Variants in MPDZ observed in about 807,000 individuals in gnomAD.
MPDZ encodes the protein multiple PDZ domain crumbs cell polarity complex component, also known as multiple PDZ domain protein.
Under a neutral mutation model 239.1 loss-of-function variants are expected in MPDZ, and 234 were observed. The observed-to-expected ratio is 0.98, with a 90% confidence interval of 0.88 to 1.09. The LOEUF (loss-of-function observed/expected upper bound fraction) is 1.09, where lower values mean the gene tolerates loss of function less well. MPDZ is among the 50% of genes least tolerant of loss of function. MPDZ has a pLI of 0.00. For synonymous variants in MPDZ, 1,048 were observed against 881.3 expected, an observed-to-expected ratio of 1.19 and a Z score of -3.35; for missense variants, 3,175 against 2,510.0, an observed-to-expected ratio of 1.26 and a Z score of -5.66.
At chr9:13,119,778 AGCAACACTGGG>A in intron 38 of MPDZ, 129 bp from the exon 39 acceptor site, 2 of 961,986 alleles carry the variant, frequency 2.1e-6, no homozygotes, top group Non-Finnish European at 3.2e-6. Context: ...TGTTATTTGG[AGCAACACTGGG>A]GCAACATTAG....
At chr9:13,239,186 G>A (rs1445769321) in intron 3 of MPDZ, among the ~76,000 whole-genome samples, 3 of 152,018 alleles carry the variant, frequency 2.0e-5, no homozygotes, top group East Asian at 1.9e-4. Flanking sequence ...ATTAGACCAC[G>A]CTGCCACAAT....
intron 32 of MPDZ, among the ~76,000 whole-genome samples, chr9:13,133,263 T>A (rs1946268214): frequency 1.3e-5 from 2 of 152,300 alleles, no homozygotes; most frequent in South Asian, 4.1e-4. Context: ...AACTGAAGTG[T>A]ATGGACTTCT....
chr9:13,145,532 G>A (rs1210578815), intron 26 of MPDZ, among the ~76,000 whole-genome samples: 3 of 152,024 alleles, frequency 2.0e-5, no homozygotes, highest in Non-Finnish European at 4.4e-5. Flanking sequence ...AGACTTTTAA[G>A]TATGTGCATT....
At chr9:13,262,889 T>C (rs1971001212) in intron 1 of MPDZ, among the ~76,000 whole-genome samples, 2 of 152,076 alleles carry the variant, frequency 1.3e-5, no homozygotes, top group Admixed American at 1.3e-4. Flanking sequence ...CACATAAAAA[T>C]ATGTATATAC....
At chr9:13,161,073 T>C (rs1396720890) in intron 23 of MPDZ, among the ~76,000 whole-genome samples, 1 of 151,376 alleles carries the variant, frequency 6.6e-6, no homozygotes, top group Non-Finnish European at 1.5e-5. Flanking sequence ...ATTATACTCC[T>C]TTTCCCATAA....
chr9:13,261,514 T>C (rs1305115568), intron 1 of MPDZ, among the ~76,000 whole-genome samples: 1 of 152,158 alleles, frequency 6.6e-6, no homozygotes, highest in African/African-American at 2.4e-5. Flanking sequence ...TTTATTTCAT[T>C]TGTACACTGT....
chr9:13,265,397 C>G (rs1260837695), intron 1 of MPDZ, among the ~76,000 whole-genome samples: 1 of 152,138 alleles, frequency 6.6e-6, no homozygotes, highest in Non-Finnish European at 1.5e-5. Context: ...TGGAGAAATC[C>G]AGTCTCTACT....
intron 2 of MPDZ, among the ~76,000 whole-genome samples, chr9:13,249,726 A>G (rs1477821523): frequency 1.3e-5 from 2 of 152,224 alleles, no homozygotes; most frequent in East Asian, 1.9e-4. Flanking sequence ...TCTACCTGTA[A>G]AATGGTTCTA....
At chr9:13,263,957 A>C (rs746553923) in intron 1 of MPDZ, among the ~76,000 whole-genome samples, 2 of 152,250 alleles carry the variant, frequency 1.3e-5, no homozygotes, top group Non-Finnish European at 1.5e-5. Flanking sequence ...CCACAATTAT[A>C]TAAACATACA....
At position 13,147,408 on chromosome 9, in the gene MPDZ, G is replaced by T. The variant is rs1006482724; in HGVS notation, c.3741+140C>A. The stretch of plus-strand genomic sequence containing the variant: ...CCAGGATAACTCAATTTCTGAGAAA[G>T]CAAAACAAACTTCTAACAAGTCTCC... On this transcript the variant is annotated intron_variant, in intron 26 of 46. Coordinates refer to ENST00000319217, the MANE Select transcript of MPDZ (RefSeq NM_001378778.1). The T allele has an allele frequency of 6.5e-6, 4 of 610,846 alleles. No individual in the cohort carries two copies. In the Admixed American group the frequency reaches 1.1e-4, roughly 17 times the overall value. 37.8% of individuals were successfully genotyped at this position (610,846 alleles called of 1,614,324 possible). A position where few individuals can be genotyped will look rare whatever the true frequency, so the allele number is the denominator to read the frequency against.
At chr9:13,195,478 T>C (rs1301691904) in intron 13 of MPDZ, among the ~76,000 whole-genome samples, 3 of 152,150 alleles carry the variant, frequency 2.0e-5, no homozygotes, top group Non-Finnish European at 2.9e-5. Flanking sequence ...CTACCTAACA[T>C]ACTATTTTAT....
In MPDZ at chr9:13,158,103, G is replaced by A; in HGVS notation, c.3367C>T (p.Pro1123Ser). The part of the protein sequence containing the change: ...IFSSYTGRDI[P>S]ELPEREEGEG... ...CCCTCTTCTCGCTCTGGTAATTCTGGAATGTCTCTGGTTAAAGAATTACAC... is the reference window on the plus strand; with the variant it reads ...CCCTCTTCTCGCTCTGGTAATTCTGAAATGTCTCTGGTTAAAGAATTACAC... The change falls in exon 24 of 47, where the codon CCA (proline) becomes TCA (serine). Residue 1123 changes from proline (P) to serine (S), a missense_variant. Coordinates refer to ENST00000319217, the MANE Select transcript of MPDZ (RefSeq NM_001378778.1). 1 of 1,612,112 alleles carries A rather than the reference G, an allele frequency of 6.2e-7. No homozygotes were observed. The highest frequency in any genetic ancestry group is 8.5e-7 in the Non-Finnish European group (1 of 1,178,790).
In MPDZ at chr9:13,203,730, A is replaced by C. The variant is rs201132392; in HGVS notation, c.1546+1306T>G. On this transcript the variant is annotated intron_variant, in intron 12 of 46. Transcript: ENST00000319217. ...TATAGTCACCCCCATGTATCCTGCC[A>C]CACACACACACACACACACACACAC... Among the ~76,000 whole-genome samples the C allele has an allele frequency of 3.5e-3, 4 of 1,144 alleles. No individual in the cohort carries two copies. In the East Asian group the frequency reaches 0.045, roughly 13 times the overall value. 0.8% of individuals were successfully genotyped at this position (1,144 alleles called of 152,430 possible). A position where few individuals can be genotyped will look rare whatever the true frequency, so the allele number is the denominator to read the frequency against.
At chr9:13,206,547 C>T (rs1006136983) in intron 10 of MPDZ, among the ~76,000 whole-genome samples, 3 of 151,638 alleles carry the variant, frequency 2.0e-5, no homozygotes, top group African/African-American at 4.8e-5. Context: ...CACCACCACA[C>T]GTGGCTATTT....
chr9:13,245,441 G>A (rs1396310270), intron 3 of MPDZ, among the ~76,000 whole-genome samples: 1 of 150,054 alleles, frequency 6.7e-6, no homozygotes, highest in African/African-American at 2.4e-5. Flanking sequence ...AAGAAGATGT[G>A]AGACAGGCTC....
At position 13,279,690 on chromosome 9, in the gene MPDZ, G is replaced by C. The variant is rs1054811386; in HGVS notation, c.-348C>G. The C allele has an allele frequency of 9.3e-5, 14 of 150,776 alleles. No individual in the cohort carries two copies. The East Asian group carries it at 2.8e-3, about 30-fold the overall frequency. The allele number at this position is 150,776 out of a possible 1,614,324, so 9.3% of individuals were successfully genotyped here. On this transcript the variant is annotated 5_prime_UTR_variant, in exon 1 of 47. Coordinates refer to ENST00000319217, the MANE Select transcript of MPDZ (RefSeq NM_001378778.1). Reference sequence around the variant, plus strand: ...CCGCGGAGGCGGTGGCGGGGCCCAGGCTGCTGGGGCTGCCGTGACGCCTGC... The same window carrying C: ...CCGCGGAGGCGGTGGCGGGGCCCAGCCTGCTGGGGCTGCCGTGACGCCTGC...
At chr9:13,119,742 A>T in intron 38 of MPDZ, 93 bp from the exon 39 acceptor site, 1 of 1,484,602 alleles carries the variant, frequency 6.7e-7, no homozygotes, top group African/African-American at 1.4e-5. Context: ...CAAAATTTTT[A>T]CTTGTTTTTA....
intron 11 of MPDZ, 77 bp downstream of exon 11, chr9:13,205,839 G>A (rs1031422159): frequency 2.3e-6 from 3 of 1,288,712 alleles, no homozygotes; most frequent in Admixed American, 2.8e-5. Flanking sequence ...TTCTGAAATA[G>A]TAAGTTACTT....
chr9:13,135,895 A>G (rs955920482), intron 31 of MPDZ, 197 bp downstream of exon 31: 3 of 449,874 alleles, frequency 6.7e-6, no homozygotes, highest in African/African-American at 6.1e-5. Flanking sequence ...TAGGCAGACT[A>G]CAAGTACTCT....
Sources: allele counts gnomAD v4.1 joint callset (sites outside exome capture counted in the v4.1 genomes callset), GRCh38; gene constraint gnomAD v4.1.1; transcripts MANE v1.5; gene names NCBI Gene and HGNC (gene_info 2026-07-23, HGNC 2026-07-21).